GABRG2: variants seen among roughly 807,000 people sequenced by gnomAD.
The protein encoded by GABRG2 is gamma-aminobutyric acid type A receptor subunit gamma2.
Under a neutral mutation model 56.4 loss-of-function variants are expected in GABRG2, and 16 were observed. That is an observed-to-expected ratio of 0.28 (90% confidence interval 0.19 to 0.43). The LOEUF is 0.43. Among genes scored for constraint, GABRG2 ranks in the 20% least tolerant of loss-of-function variants. The probability of loss-of-function intolerance (pLI) is 1.00; values close to 1 mark genes in which losing one functional copy is unlikely to be tolerated. For missense variants in GABRG2, 327 were observed against 582.7 expected (o/e 0.56, Z 4.52); for synonymous variants, 208 against 205.5 (o/e 1.01, Z -0.10).
chr5:162,142,663 A>G lies in GABRG2; in HGVS notation c.922+347A>G, dbSNP rs1744400811. Reference sequence around the variant, plus strand: ...CTATCGCAAGGACAAAAAACCAAACACTGCATGTTCTCACTCATAGGTGGG... The same window carrying G: ...CTATCGCAAGGACAAAAAACCAAACGCTGCATGTTCTCACTCATAGGTGGG... On this transcript the variant is annotated intron_variant, in intron 7 of 9. Transcript: ENST00000639213. The G allele has an allele frequency of 4.0e-5, 14 of 346,178 alleles. 1 individual carries two copies. The highest frequency in any genetic ancestry group is 2.9e-4 in the South Asian group (13 of 44,546). 21.4% of individuals were successfully genotyped at this position (346,178 alleles called of 1,614,324 possible). A position where few individuals can be genotyped will look rare whatever the true frequency, so the allele number is the denominator to read the frequency against.
intron 6 of GABRG2, among the ~76,000 whole-genome samples, chr5:162,138,307 A>G (rs1764290319): frequency 6.6e-6 from 1 of 152,130 alleles, no homozygotes; most frequent in South Asian, 2.1e-4. Flanking sequence ...AATTTTCCCA[A>G]ATGAAAACTC....
At chr5:162,084,111 T>A (rs1759869289) in intron 1 of GABRG2, among the ~76,000 whole-genome samples, 1 of 151,752 alleles carries the variant, frequency 6.6e-6, no homozygotes, top group Non-Finnish European at 1.5e-5. Flanking sequence ...GATTAGCAAA[T>A]TGAAAAGAGT....
rs1267905315 is a variant in GABRG2, at chr5:162,077,140, T to G, written c.107+9034T>G. Among the ~76,000 whole-genome samples the G allele has an allele frequency of 2.0e-5, 3 of 151,460 alleles. No individual in the cohort carries two copies. In the East Asian group the frequency reaches 5.8e-4, roughly 29 times the overall value. ...TTTCTATCACATCAGTATGTTTTAT[T>G]GTGCTTCTTTAATAATCATCATTCT... On this transcript the variant is annotated intron_variant, in intron 1 of 9. Transcript: ENST00000639213.
intron 7 of GABRG2, among the ~76,000 whole-genome samples, chr5:162,144,547 G>A (rs1377106033): frequency 1.3e-5 from 2 of 152,152 alleles, no homozygotes; most frequent in African/African-American, 4.8e-5. Context: ...TGCTCAATAT[G>A]GTCTCTATGT....
At chr5:162,102,503 C>T (rs552346184) in intron 5 of GABRG2, 1 of 453,962 alleles carries the variant, frequency 2.2e-6, no homozygotes, top group South Asian at 1.6e-5. Context: ...TGCCTCATAT[C>T]ATCATTTTTG....
chr5:162,127,049 T>C (rs968970623), intron 6 of GABRG2, among the ~76,000 whole-genome samples: 3 of 151,810 alleles, frequency 2.0e-5, no homozygotes, highest in Non-Finnish European at 2.9e-5. Flanking sequence ...AAACCTACCA[T>C]CATTAGAATT....
At chr5:162,114,677 AGT>A (rs1682131195) in intron 6 of GABRG2, among the ~76,000 whole-genome samples, 1 of 152,238 alleles carries the variant, frequency 6.6e-6, no homozygotes, top group Non-Finnish European at 1.5e-5. Flanking sequence ...ATTGCAAAGA[AGT>A]GCCAGAATTT....
Position 162,153,714 on chromosome 5 carries a change from A to C in GABRG2, c.*346A>C. Reference sequence around the variant, plus strand: ...TCCTTACTAGATTCATAATGCAATTAGATAGAAAAGGTCCAAAACTGTACC... The same window carrying C: ...TCCTTACTAGATTCATAATGCAATTCGATAGAAAAGGTCCAAAACTGTACC... On this transcript the variant is annotated 3_prime_UTR_variant, in exon 10 of 10. Transcript: ENST00000639213. The C allele has an allele frequency of 2.8e-6, 1 of 359,704 alleles. No individual in the cohort carries two copies. The highest frequency in any genetic ancestry group is 5.2e-6 in the Non-Finnish European group (1 of 190,778). The allele number at this position is 359,704 out of a possible 1,614,324, so 22.3% of individuals were successfully genotyped here. A position where few individuals can be genotyped will look rare whatever the true frequency, so the allele number is the denominator to read the frequency against.
chr5:162,119,438 A>G (rs1762837933), intron 6 of GABRG2, among the ~76,000 whole-genome samples: 2 of 152,160 alleles, frequency 1.3e-5, no homozygotes, highest in East Asian at 1.9e-4. Context: ...CAAACTACCC[A>G]TAGCAATTCA....
At chr5:162,131,085 T>C (rs770842943) in intron 6 of GABRG2, among the ~76,000 whole-genome samples, 4 of 151,978 alleles carry the variant, frequency 2.6e-5, no homozygotes, top group Admixed American at 6.6e-5. Context: ...GTGGAATCTT[T>C]TCTTTCCAAT....
chr5:162,146,625 A>G (rs1764968111), intron 7 of GABRG2, among the ~76,000 whole-genome samples: 1 of 151,232 alleles, frequency 6.6e-6, no homozygotes, highest in African/African-American at 2.5e-5. Flanking sequence ...ACAAACATTT[A>G]TTGAGTCCCA....
chr5:162,149,677 G>A (rs1765225591), intron 8 of GABRG2: 4 of 565,862 alleles, frequency 7.1e-6, no homozygotes, highest in South Asian at 4.4e-5. Context: ...GCAGTGGCGG[G>A]ATCTCGGCTT....
At chr5:162,070,739 A>T (rs1014382198) in intron 1 of GABRG2, among the ~76,000 whole-genome samples, 3 of 151,994 alleles carry the variant, frequency 2.0e-5, no homozygotes, top group Non-Finnish European at 2.9e-5. Context: ...TGAAACATTC[A>T]CATAGCTTGT....
At chr5:162,129,571 A>C (rs1411168159) in intron 6 of GABRG2, among the ~76,000 whole-genome samples, 1 of 151,988 alleles carries the variant, frequency 6.6e-6, no homozygotes, top group Non-Finnish European at 1.5e-5. Flanking sequence ...TCATTTATTT[A>C]ATCCATTCAA....
At chr5:162,142,720 A>G (rs1764669364) in intron 7 of GABRG2, 1 of 322,440 alleles carries the variant, frequency 3.1e-6, no homozygotes, top group Admixed American at 4.4e-5. Flanking sequence ...GCACATAGGA[A>G]GGGGAACATC....
chr5:162,127,274 C>T (rs1443727598), intron 6 of GABRG2, among the ~76,000 whole-genome samples: 1 of 151,608 alleles, frequency 6.6e-6, no homozygotes, highest in South Asian at 2.1e-4. Context: ...TTCACTAGTG[C>T]CTGTACTTTA....
At chr5:162,118,204 G>GGTGTGTGTGTGTGT (rs3079259) in intron 6 of GABRG2, among the ~76,000 whole-genome samples, 15 of 146,194 alleles carry the variant, frequency 1.0e-4, no homozygotes, top group African/African-American at 3.8e-4. Context: ...AGGTTCTGAT[G>GGTGTGTGTGTGTGT]GTGTGTGTGT....
At chr5:162,139,001 CA>C (rs942476226) in intron 6 of GABRG2, among the ~76,000 whole-genome samples, 1 of 151,320 alleles carries the variant, frequency 6.6e-6, no homozygotes, top group Admixed American at 6.6e-5. Flanking sequence ...GGTTATTTAC[CA>C]CTACAACTTA....
At chr5:162,137,310 T>C (rs1448639142) in intron 6 of GABRG2, among the ~76,000 whole-genome samples, 2 of 152,364 alleles carry the variant, frequency 1.3e-5, no homozygotes, top group Non-Finnish European at 1.5e-5. Context: ...ATGTTTTTTA[T>C]ATACTTTCAG....
Sources: gnomAD v4.1 joint callset for allele counts (sites outside exome capture counted in the v4.1 genomes callset) on GRCh38, gnomAD v4.1.1 for gene constraint, MANE v1.5 for transcripts, NCBI Gene and HGNC (gene_info 2026-07-23, HGNC 2026-07-21) for gene names.